The following ADCY5 variants were observed in gnomAD, a reference collection of about 807,000 sequenced individuals.
The protein encoded by ADCY5 is adenylate cyclase 5.
Under a neutral mutation model 119.7 loss-of-function variants are expected in ADCY5, and 30 were observed. That is an observed-to-expected ratio of 0.25 (90% CI 0.19 to 0.34). The LOEUF (loss-of-function observed/expected upper bound fraction) is 0.34, where lower values mean the gene tolerates loss of function less well. Among genes scored for constraint, ADCY5 ranks in the 10% least tolerant of loss-of-function variants. The probability of loss-of-function intolerance (pLI) is 1.00; values close to 1 mark genes in which losing one functional copy is unlikely to be tolerated. For missense variants in ADCY5, 1,324 were observed against 1,775.2 expected (o/e 0.75, Z 4.57); for synonymous variants, 753 against 762.2 (o/e 0.99, Z 0.20).
Position 123,284,627 on chromosome 3 carries a change from C to G in ADCY5, c.3767G>C (p.Gly1256Ala), listed in dbSNP as rs760452225. Residue 1256 changes from glycine (G) to alanine (A), a missense_variant, in exon 21 of 21, where the codon GGA (glycine) becomes GCA (alanine). This residue lies in a region of ADCY5 where 178 missense variants were observed against 329.6 expected (regional missense o/e 0.54). Transcript: ENST00000462833. ...CAGCTGCTAACTGAGCGGGGGCCCT[C>G]CATTGAGGAAGTAGGTCATCATCTC... ...KGEMMTYFLN[G>A]GPPLS 1 of 1,614,268 alleles carries G rather than the reference C, an allele frequency of 6.2e-7. No homozygotes were observed. Among genetic ancestry groups the G allele is most frequent in the South Asian group, 1.1e-5 (1 of 91,090 alleles).
At chr3:123,327,178 G>C (rs1047765857) in intron 7 of ADCY5, among the ~76,000 whole-genome samples, 2 of 152,192 alleles carry the variant, frequency 1.3e-5, no homozygotes, top group African/African-American at 4.8e-5. Context: ...ACTAGAAAGG[G>C]AAAGGGGAAA....
In ADCY5 at chr3:123,296,155, C is replaced by T; in HGVS notation, c.2992G>A (p.Val998Met). 1 of 1,614,048 alleles carries T rather than the reference C, an allele frequency of 6.2e-7. No individual in the cohort carries two copies. The highest frequency in any genetic ancestry group is 8.5e-7 in the Non-Finnish European group (1 of 1,179,984). ...TGGGCGTGCAGGTACAGGGCCAGCA[C>T]AAAGACTGAGATGATGATGGGCGTC... ...VVTPIIISVF[V>M]LALYLHAQQV... The change falls in exon 17 of 21, where the codon GTG (valine) becomes ATG (methionine). Residue 998 changes from valine to methionine, a missense_variant. By Grantham distance (21) the Val-to-Met change is conservative. Coordinates refer to ENST00000462833, the MANE Select transcript of ADCY5 (RefSeq NM_183357.3).
At chr3:123,348,691 G>A (rs941688176) in intron 2 of ADCY5, among the ~76,000 whole-genome samples, 8 of 152,116 alleles carry the variant, frequency 5.3e-5, no homozygotes, top group Non-Finnish European at 7.4e-5. Flanking sequence ...GCCACATCAC[G>A]GAGGCTCACG....
chr3:123,294,727 C>T (rs1391729994), intron 17 of ADCY5, among the ~76,000 whole-genome samples: 1 of 152,206 alleles, frequency 6.6e-6, no homozygotes, highest in East Asian at 1.9e-4. Context: ...GTCGGCAACA[C>T]TGAGAGGGGC....
In ADCY5 at chr3:123,352,971, T is replaced by C. The variant is rs1029850282; in HGVS notation, c.1135-390A>G. Among the ~76,000 whole-genome samples, 5 of 152,160 alleles carry C rather than the reference T, an allele frequency of 3.3e-5. No homozygotes were observed. The highest frequency in any genetic ancestry group is 1.2e-4 in the African/African-American group (5 of 41,424). On this transcript the variant is annotated intron_variant, in intron 1 of 20. Coordinates refer to ENST00000462833, the MANE Select transcript of ADCY5 (RefSeq NM_183357.3). This position sits in a 1 kb window ranked among gnomAD's most constrained non-coding sequence, Gnocchi z 4.8. ...TGGGATTTCACTTTTGAAAGTGTGA[T>C]AGAGTCCAGTACAGGACAAGGGGCC...
At chr3:123,342,601 G>A (rs758460705) in intron 3 of ADCY5, among the ~76,000 whole-genome samples, 4 of 152,170 alleles carry the variant, frequency 2.6e-5, no homozygotes, top group South Asian at 2.1e-4. Flanking sequence ...GGGGCCCTGC[G>A]GGGAATGTTT....
intron 1 of ADCY5, among the ~76,000 whole-genome samples, chr3:123,373,725 T>C (rs1292978397): frequency 6.8e-6 from 1 of 146,976 alleles, no homozygotes; most frequent in Non-Finnish European, 1.5e-5. Context: ...CTTGCTGAGC[T>C]GTGGAATTTA....
At position 123,447,402 on chromosome 3, in the gene ADCY5, C is replaced by T. The variant is rs371437597; in HGVS notation, c.1134+10G>A. The T allele has an allele frequency of 1.1e-5, 17 of 1,543,068 alleles. No individual in the cohort carries two copies. In the African/African-American group the frequency reaches 1.6e-4, roughly 15 times the overall value. ...CGCAATCCAGTCCCGGTGGCCAGGTCGGCCCCTACCTGCTTCAGCAGGAAC... is the reference window on the plus strand; with the variant it reads ...CGCAATCCAGTCCCGGTGGCCAGGTTGGCCCCTACCTGCTTCAGCAGGAAC... On this transcript the variant is annotated intron_variant, in intron 1 of 20. Transcript: ENST00000462833.
rs1943147235 is a variant in ADCY5, at chr3:123,359,140, C to T, written c.1135-6559G>A. Reference sequence around the variant, plus strand: ...GCGGTTCCTGTTCCCGGTAAGTCAGCTTGCCCCTTGCAATATGGTTCACAG... The same window carrying T: ...GCGGTTCCTGTTCCCGGTAAGTCAGTTTGCCCCTTGCAATATGGTTCACAG... On this transcript the variant is annotated intron_variant, in intron 1 of 20. Coordinates refer to ENST00000462833, the MANE Select transcript of ADCY5 (RefSeq NM_183357.3). 2.0e-5 allele frequency among the ~76,000 whole-genome samples: 3 copies of T among 151,764 alleles called. No individual in the cohort carries two copies. In the South Asian group the frequency reaches 6.3e-4, roughly 32 times the overall value.
At chr3:123,346,607 T>TCCTCTCTCTCTC (rs1316376575) in intron 3 of ADCY5, among the ~76,000 whole-genome samples, 4 of 128,072 alleles carry the variant, frequency 3.1e-5, no homozygotes, top group African/African-American at 5.3e-5. Flanking sequence ...CAGCCTCACC[T>TCCTCTCTCTCTC]TCTCTCTCTC....
At chr3:123,345,953 G>A (rs2108472417) in intron 3 of ADCY5, among the ~76,000 whole-genome samples, 1 of 152,332 alleles carries the variant, frequency 6.6e-6, no homozygotes, top group African/African-American at 2.4e-5. Context: ...GTACCAGAAA[G>A]CGTTCCAGGG....
At position 123,425,021 on chromosome 3, in the gene ADCY5, A is replaced by C. The variant is rs533077039; in HGVS notation, c.1134+22391T>G. Among the ~76,000 whole-genome samples the C allele has an allele frequency of 9.8e-5, 15 of 152,294 alleles. 1 individual carries two copies. In the South Asian group the frequency reaches 3.1e-3, roughly 32 times the overall value. On this transcript the variant is annotated intron_variant, in intron 1 of 20. Transcript: ENST00000462833. ...CTGTTGTGACTTCTGGCGCACTGGC[A>C]CACCCCCTCCCCAGGCATCCTGAGT...
chr3:123,328,266 A>C (rs1576579986), intron 6 of ADCY5, among the ~76,000 whole-genome samples: 2 of 148,522 alleles, frequency 1.3e-5, no homozygotes, highest in African/African-American at 2.5e-5. Flanking sequence ...GGCTCTTCCC[A>C]CCCCACCTTC....
chr3:123,323,548 C>T (rs1258944726), intron 8 of ADCY5, among the ~76,000 whole-genome samples: 1 of 152,112 alleles, frequency 6.6e-6, no homozygotes, highest in Non-Finnish European at 1.5e-5. Flanking sequence ...ATCTCCCTGC[C>T]CTACTCCCCA....
chr3:123,336,638 G>T (rs193253960), intron 3 of ADCY5, among the ~76,000 whole-genome samples: 18 of 152,248 alleles, frequency 1.2e-4, no homozygotes, highest in Middle Eastern at 3.4e-3. Context: ...GGAGGGTGGG[G>T]CGCCCCAGAC....
At chr3:123,374,871 C>T (rs1943762124) in intron 1 of ADCY5, among the ~76,000 whole-genome samples, 1 of 152,190 alleles carries the variant, frequency 6.6e-6, no homozygotes, top group Non-Finnish European at 1.5e-5. Context: ...TTATGGAGAC[C>T]TTGACAGAGA....
chr3:123,312,385 T>C (rs1403068950), intron 12 of ADCY5, among the ~76,000 whole-genome samples: 3 of 152,248 alleles, frequency 2.0e-5, no homozygotes, highest in Admixed American at 6.5e-5. Context: ...TGACTTTTCA[T>C]TGTGGCAATA....
rs554149046 is a variant in ADCY5 at position 123,284,413 on chromosome 3, G to T, written c.*195C>A. The T allele has an allele frequency of 2.6e-6, 2 of 780,346 alleles. No homozygotes were observed. Among genetic ancestry groups the T allele is most frequent in the Non-Finnish European group, 4.0e-6 (2 of 504,836 alleles). The allele number at this position is 780,346 out of a possible 1,614,324, so 48.3% of individuals were successfully genotyped here. A position where few individuals can be genotyped will look rare whatever the true frequency, so the allele number is the denominator to read the frequency against. ...TTGGTCAGCTGGGTGCTCGCAGGAC[G>T]CTGGCACCCCGGGGCCTGGGACAGA... On this transcript the variant is annotated 3_prime_UTR_variant, in exon 21 of 21. Transcript: ENST00000462833.
chr3:123,426,722 A>G (rs1945423697), intron 1 of ADCY5, among the ~76,000 whole-genome samples: 1 of 152,152 alleles, frequency 6.6e-6, no homozygotes, highest in Non-Finnish European at 1.5e-5. Flanking sequence ...GCCCCTGAGA[A>G]AGGAAGCTAT....
Sources: gnomAD v4.1 joint callset for allele counts (sites outside exome capture counted in the v4.1 genomes callset) on GRCh38, gnomAD v4.1.1 for gene constraint, gnomAD v4.1.1 regional missense constraint, Gnocchi (gnomAD v3.1) non-coding constraint, MANE v1.5 for transcripts, NCBI Gene and HGNC (gene_info 2026-07-23, HGNC 2026-07-21) for gene names.